Variants in SIPA1L3 observed in about 807,000 individuals in gnomAD.
The protein encoded by SIPA1L3 is signal induced proliferation associated 1 like 3, also known as signal-induced proliferation-associated 1-like protein 3.
A neutral mutation model predicts 150.1 loss-of-function variants in SIPA1L3; 59 were observed. The ratio of observed to expected loss-of-function variants is 0.39; its 90% confidence interval spans 0.32 to 0.49. The LOEUF (loss-of-function observed/expected upper bound fraction) is 0.49. Ranked by LOEUF, SIPA1L3 falls within the 20% of genes least tolerant of loss-of-function variation. The pLI is 0.86. For missense variants in SIPA1L3, 2,211 were observed against 2,489.5 expected, an observed-to-expected ratio of 0.89 and a Z score of 2.38; for synonymous variants, 1,070 against 1,077.6, an observed-to-expected ratio of 0.99 and a Z score of 0.14.
At chr19:37,957,437 T>G (rs1481866895) in intron 1 of SIPA1L3, among the ~76,000 whole-genome samples, 1 of 152,248 alleles carries the variant, frequency 6.6e-6, no homozygotes, top group Non-Finnish European at 1.5e-5. Context: ...TTAGATTGTC[T>G]TTAATTTCTT....
rs562685359 is a variant in SIPA1L3 at position 38,082,975 on chromosome 19, C to A, written c.1410C>A (p.Asn470Lys). ...CCGCCCTGAGCGCCTACCGCACCAA[C>A]GCCAGCATCTCGGTGTTGGAAGTTC... ...AEPALSAYRT[N>K]ASISVLEVPK... The change falls in exon 3 of 22, where the codon AAC becomes AAA. Residue 470 changes from asparagine to lysine, a missense_variant. By Grantham distance (94) the Asn-to-Lys change is moderately conservative (BLOSUM62 0). This residue lies in a region of SIPA1L3 where 587 missense variants were observed against 534.5 expected (regional missense o/e 1.10). Transcript: ENST00000222345. The A allele has an allele frequency of 6.2e-7, 1 of 1,613,176 alleles. No homozygotes were observed. Among genetic ancestry groups the A allele is most frequent in the South Asian group, 1.1e-5 (1 of 91,086 alleles).
At chr19:38,106,003 T>C in intron 6 of SIPA1L3, among the ~76,000 whole-genome samples, 1 of 152,230 alleles carries the variant, frequency 6.6e-6, no homozygotes, top group South Asian at 2.1e-4. Context: ...AAGGGTTCCA[T>C]TTGCTCCACA....
intron 1 of SIPA1L3, among the ~76,000 whole-genome samples, chr19:38,020,311 G>C (rs113402338): frequency 6.6e-6 from 1 of 151,150 alleles, no homozygotes; most frequent in Non-Finnish European, 1.5e-5. Context: ...TTTTTTTTCC[G>C]TTCATTCTTC....
intron 2 of SIPA1L3, among the ~76,000 whole-genome samples, chr19:38,038,974 C>G (rs1056197515): frequency 2.6e-5 from 4 of 152,172 alleles, no homozygotes; most frequent in Admixed American, 6.5e-5. Flanking sequence ...ACCTCCGCCT[C>G]CGAGGTTCAA....
chr19:37,993,063 C>G (rs1357968824), intron 1 of SIPA1L3, among the ~76,000 whole-genome samples: 1 of 152,134 alleles, frequency 6.6e-6, no homozygotes, highest in African/African-American at 2.4e-5. Flanking sequence ...GTTGGTTGTT[C>G]TGAGGACAGC....
chr19:37,982,190 GC>G lies in SIPA1L3; in HGVS notation c.-378-46898del, dbSNP rs141371503. On this transcript the variant is annotated intron_variant, in intron 1 of 21. Coordinates refer to ENST00000222345, the MANE Select transcript of SIPA1L3 (RefSeq NM_015073.3). ...TAATGTCCCAGATCAAAGTCGAGAGGCAGGCTCTGGGAACTGGGCTGTGAGC... is the reference window on the plus strand; with the variant it reads ...TAATGTCCCAGATCAAAGTCGAGAGGAGGCTCTGGGAACTGGGCTGTGAGC... Among the ~76,000 whole-genome samples the G allele has an allele frequency of 1.0e-2, 1,523 of 152,332 alleles. 34 individuals are homozygous for G. The highest frequency in any genetic ancestry group is 0.035 in the African/African-American group (1,471 of 41,568).
chr19:38,145,405 C>T (rs1225114072), intron 12 of SIPA1L3, among the ~76,000 whole-genome samples: 2 of 151,818 alleles, frequency 1.3e-5, no homozygotes, highest in Non-Finnish European at 1.5e-5. Context: ...TGGTGGCACG[C>T]GCCTGTAATC....
intron 15 of SIPA1L3, among the ~76,000 whole-genome samples, chr19:38,177,282 A>G (rs550993488): frequency 6.0e-5 from 9 of 150,708 alleles, no homozygotes; most frequent in Admixed American, 6.7e-5. Flanking sequence ...AATGACGTGA[A>G]CCTGGGAAGC....
At chr19:38,065,907 T>TTTTTTATC (rs1555782606) in intron 2 of SIPA1L3, among the ~76,000 whole-genome samples, 1 of 119,204 alleles carries the variant, frequency 8.4e-6, no homozygotes, top group Admixed American at 9.6e-5. Context: ...GATCTCTTAT[T>TTTTTTATC]TATTTATCTA....
intron 16 of SIPA1L3, among the ~76,000 whole-genome samples, chr19:38,191,444 A>C (rs1972801649): frequency 6.6e-6 from 1 of 151,536 alleles, no homozygotes; most frequent in East Asian, 2.0e-4. Flanking sequence ...CACACAAATG[A>C]CTACATATAT....
chr19:38,105,205 A>C (rs1371669395), intron 6 of SIPA1L3, among the ~76,000 whole-genome samples: 1 of 151,834 alleles, frequency 6.6e-6, no homozygotes, highest in African/African-American at 2.4e-5. Context: ...AAAATACTAA[A>C]ATTACTAAAA....
At chr19:37,938,624 CTTTTTTTTTTTT>C (rs759856556) in intron 1 of SIPA1L3, among the ~76,000 whole-genome samples, 1 of 131,266 alleles carries the variant, frequency 7.6e-6, no homozygotes, top group Non-Finnish European at 1.6e-5. Flanking sequence ...TTTCTTTTTT[CTTTTTTTTTTTT>C]TTTTTAGGTG....
intron 2 of SIPA1L3, among the ~76,000 whole-genome samples, chr19:38,057,288 A>G (rs999050461): frequency 6.9e-6 from 1 of 145,684 alleles, no homozygotes. Flanking sequence ...ATATATATAT[A>G]TGTATATATA....
At chr19:38,129,651 C>T (rs908714674) in intron 9 of SIPA1L3, among the ~76,000 whole-genome samples, 2 of 149,398 alleles carry the variant, frequency 1.3e-5, no homozygotes, top group Non-Finnish European at 3.0e-5. Flanking sequence ...AATGGTGTCA[C>T]GAAGTAAAAG....
chr19:38,064,557 C>T (rs1969527664), intron 2 of SIPA1L3, among the ~76,000 whole-genome samples: 2 of 152,138 alleles, frequency 1.3e-5, no homozygotes, highest in Non-Finnish European at 2.9e-5. Context: ...ATTAGCCGGG[C>T]GTGGTGGTGT....
chr19:38,170,917 A>G (rs1380405181), intron 15 of SIPA1L3, among the ~76,000 whole-genome samples: 2 of 152,112 alleles, frequency 1.3e-5, no homozygotes, highest in Non-Finnish European at 2.9e-5. Context: ...ATGCAGTTAT[A>G]CAGGTATTTG....
chr19:37,940,456 C>A (rs1173360219), intron 1 of SIPA1L3, among the ~76,000 whole-genome samples: 1 of 152,084 alleles, frequency 6.6e-6, no homozygotes, highest in African/African-American at 2.4e-5. Flanking sequence ...ATGAGAAGAC[C>A]ATTTTAATCA....
chr19:38,075,969 C>T (rs889911237), intron 2 of SIPA1L3, among the ~76,000 whole-genome samples: 1 of 151,968 alleles, frequency 6.6e-6, no homozygotes, highest in South Asian at 2.1e-4. Context: ...GAAACCCCGT[C>T]TCTACTGAAA....
intron 6 of SIPA1L3, among the ~76,000 whole-genome samples, chr19:38,102,970 C>T (rs1970540615): frequency 6.6e-6 from 1 of 150,808 alleles, no homozygotes; most frequent in Non-Finnish European, 1.5e-5. Context: ...ACTAAAAATA[C>T]AAAAAAATTA....
Sources: gnomAD v4.1 joint callset for allele counts (sites outside exome capture counted in the v4.1 genomes callset) on GRCh38, gnomAD v4.1.1 for gene constraint, gnomAD v4.1.1 regional missense constraint, MANE v1.5 for transcripts, NCBI Gene and HGNC (gene_info 2026-07-23, HGNC 2026-07-21) for gene names.